Variants in EVI5 observed in about 807,000 individuals in gnomAD.
EVI5 encodes the protein ecotropic viral integration site 5, also known as ecotropic viral integration site 5 protein homolog.
EVI5 carries 73 observed loss-of-function variants against 112.0 expected under a neutral mutation model. The observed-to-expected ratio is 0.65, with a 90% CI of 0.54 to 0.79. The LOEUF is 0.79. Ranked by LOEUF, EVI5 falls within the 30% of genes least tolerant of loss-of-function variation. EVI5 has a pLI of 0.00. For synonymous variants in EVI5, 305 were observed against 319.9 expected, an observed-to-expected ratio of 0.95 and a Z score of 0.50; for missense variants, 900 against 968.8, an observed-to-expected ratio of 0.93 and a Z score of 0.94.
chr1:92,736,581 C>T lies in EVI5; in HGVS notation c.-35G>A. ...TGTATGCGATACTGTGTTCTTCACC[C>T]ATGAGAGAGTAGAGCTCAGCTTTTC... is the stretch of plus-strand genomic sequence containing the variant. On this transcript the variant is annotated 5_prime_UTR_variant, in exon 2 of 20. The change abolishes an upstream ATG in the 5' untranslated region. Coordinates refer to ENST00000684568, the MANE Select transcript of EVI5 (RefSeq NM_001350197.2). The T allele has an allele frequency of 2.5e-6, 4 of 1,614,028 alleles. No individual in the cohort carries two copies. Among genetic ancestry groups the T allele is most frequent in the Non-Finnish European group, 3.4e-6 (4 of 1,179,932 alleles).
intron 19 of EVI5, among the ~76,000 whole-genome samples, chr1:92,533,225 A>C (rs1274869717): frequency 6.6e-6 from 1 of 152,050 alleles, no homozygotes; most frequent in Non-Finnish European, 1.5e-5. Context: ...CATACACCCA[A>C]GACTAAAGCA....
chr1:92,545,377 T>C (rs533068624), intron 19 of EVI5, among the ~76,000 whole-genome samples: 1 of 151,464 alleles, frequency 6.6e-6, no homozygotes, highest in East Asian at 1.9e-4. Flanking sequence ...GCCTGTTTCT[T>C]TTAAAAACTA....
At chr1:92,750,675 CCTTA>C (rs1680037812) in intron 1 of EVI5, among the ~76,000 whole-genome samples, 1 of 152,064 alleles carries the variant, frequency 6.6e-6, no homozygotes, top group Admixed American at 6.6e-5. Flanking sequence ...GCCTTTTTCC[CCTTA>C]CTTTTAATTT....
chr1:92,750,830 T>C (rs1043233728), intron 1 of EVI5, among the ~76,000 whole-genome samples: 4 of 152,324 alleles, frequency 2.6e-5, no homozygotes, highest in Middle Eastern at 3.4e-3. Context: ...AAACACTTCA[T>C]ACATTCCATT....
chr1:92,620,766 T>C (rs1654369148), intron 16 of EVI5, among the ~76,000 whole-genome samples: 1 of 152,138 alleles, frequency 6.6e-6, no homozygotes, highest in South Asian at 2.1e-4. Flanking sequence ...AAAGATAAGA[T>C]ACCAGACAGA....
intron 19 of EVI5, among the ~76,000 whole-genome samples, chr1:92,556,552 C>T (rs968418260): frequency 1.3e-5 from 2 of 152,174 alleles, no homozygotes; most frequent in African/African-American, 2.4e-5. Context: ...ATATGTCTTT[C>T]ACTCTGAAGT....
At chr1:92,574,615 A>G (rs1307361209) in intron 18 of EVI5, among the ~76,000 whole-genome samples, 1 of 152,156 alleles carries the variant, frequency 6.6e-6, no homozygotes, top group Non-Finnish European at 1.5e-5. Context: ...TAAGAGAAAG[A>G]AAAGAAGTGG....
intron 13 of EVI5, among the ~76,000 whole-genome samples, chr1:92,661,812 C>T (rs1290489581): frequency 6.6e-6 from 1 of 152,058 alleles, no homozygotes; most frequent in Non-Finnish European, 1.5e-5. Context: ...ATAAAAAGAA[C>T]GTCCTACTTT....
chr1:92,766,075 G>A (rs1271189674), intron 1 of EVI5, among the ~76,000 whole-genome samples: 1 of 147,158 alleles, frequency 6.8e-6, no homozygotes, highest in African/African-American at 2.5e-5. Context: ...TCCAGGCTGG[G>A]TGACAGAGCA....
chr1:92,767,514 A>G (rs1324410337), intron 1 of EVI5, among the ~76,000 whole-genome samples: 4 of 152,240 alleles, frequency 2.6e-5, no homozygotes, highest in Admixed American at 1.3e-4. Context: ...GAGTGATGAA[A>G]TTATGAGGTG....
intron 1 of EVI5, among the ~76,000 whole-genome samples, chr1:92,768,289 T>C (rs1214123129): frequency 1.3e-5 from 2 of 152,046 alleles, no homozygotes; most frequent in Non-Finnish European, 2.9e-5. Flanking sequence ...AGACTAAAGA[T>C]ACACAGCTAC....
chr1:92,741,751 T>G (rs946401271), intron 1 of EVI5, among the ~76,000 whole-genome samples: 10 of 152,192 alleles, frequency 6.6e-5, no homozygotes, highest in African/African-American at 2.4e-4. Flanking sequence ...TTCATAATTC[T>G]ATAAAGTAGG....
intron 19 of EVI5, among the ~76,000 whole-genome samples, chr1:92,541,508 C>T (rs138571189): frequency 6.6e-6 from 1 of 152,236 alleles, no homozygotes; most frequent in East Asian, 1.9e-4. Flanking sequence ...TCATACACAG[C>T]TGGTGGGAAT....
At chr1:92,665,639 C>A (rs951624359) in intron 11 of EVI5, among the ~76,000 whole-genome samples, 1 of 152,066 alleles carries the variant, frequency 6.6e-6, no homozygotes, top group Admixed American at 6.5e-5. Context: ...AGAATGGACT[C>A]CCAACTAAAT....
chr1:92,771,093 G>C (rs1027808133), intron 1 of EVI5, among the ~76,000 whole-genome samples: 4 of 151,972 alleles, frequency 2.6e-5, no homozygotes, highest in Non-Finnish European at 5.9e-5. Context: ...TGGGATTACA[G>C]GAGAGAGCCA....
chr1:92,542,602 C>T (rs1409064611), intron 19 of EVI5, among the ~76,000 whole-genome samples: 1 of 152,184 alleles, frequency 6.6e-6, no homozygotes, highest in African/African-American at 2.4e-5. Flanking sequence ...ATATATGGCA[C>T]TATATGTCTT....
At chr1:92,539,593 G>A (rs540745745) in intron 19 of EVI5, among the ~76,000 whole-genome samples, 3 of 148,236 alleles carry the variant, frequency 2.0e-5, no homozygotes, top group African/African-American at 5.0e-5. Context: ...CCAAAGATCC[G>A]CCTATGTTTA....
intron 2 of EVI5, 30 bp downstream of exon 2, chr1:92,736,368 G>A (rs745822651): frequency 7.2e-7 from 1 of 1,393,466 alleles, no homozygotes; most frequent in Admixed American, 1.7e-5. Flanking sequence ...TGTATAATTG[G>A]AGAGAAAAAA....
intron 16 of EVI5, among the ~76,000 whole-genome samples, chr1:92,609,821 C>T (rs998963678): frequency 6.6e-6 from 1 of 151,928 alleles, no homozygotes; most frequent in Non-Finnish European, 1.5e-5. Context: ...TTCATCTTTA[C>T]TTTTACTTGT....
Sources: allele counts gnomAD v4.1 joint callset (sites outside exome capture counted in the v4.1 genomes callset), GRCh38; gene constraint gnomAD v4.1.1; transcripts MANE v1.5; gene names NCBI Gene and HGNC (gene_info 2026-07-23, HGNC 2026-07-21).